The following RGS7 variants were observed in gnomAD, a reference collection of about 807,000 sequenced individuals.
RGS7 encodes the protein regulator of G-protein signaling 7.
RGS7 carries 27 observed loss-of-function variants against 81.1 expected under a neutral mutation model. That is an observed-to-expected ratio of 0.33 (90% CI 0.25 to 0.46). The LOEUF (loss-of-function observed/expected upper bound fraction) is 0.46. Among genes scored for constraint, RGS7 ranks in the 20% least tolerant of loss-of-function variants. RGS7 has a pLI of 1.00. For missense variants in RGS7, 396 were observed against 607.4 expected, an observed-to-expected ratio of 0.65 and a Z score of 3.66; for synonymous variants, 208 against 207.7, an observed-to-expected ratio of 1.00 and a Z score of -0.01.
At chr1:241,211,891 G>A (rs73130986) in intron 2 of RGS7, among the ~76,000 whole-genome samples, 2,138 of 152,192 alleles carry the variant, frequency 0.014, 55 homozygotes, top group African/African-American at 0.049. Flanking sequence ...ATATAATTGC[G>A]TTAGGTGAAA....
At chr1:240,944,260 A>C (rs545639815) in intron 4 of RGS7, among the ~76,000 whole-genome samples, 1 of 51,798 alleles carries the variant, frequency 1.9e-5, no homozygotes, top group Non-Finnish European at 3.5e-5. Context: ...GTTATATTAT[A>C]TGTGTGTGTG....
In RGS7 at chr1:241,232,378, A is replaced by AT. The variant is rs963879731; in HGVS notation, c.78+123320dup. Among the ~76,000 whole-genome samples, 133 of 150,388 alleles carry AT rather than the reference A, an allele frequency of 8.8e-4. 1 individual carries two copies. Among genetic ancestry groups the AT allele is most frequent in the African/African-American group, 2.7e-3 (112 of 40,912 alleles). ...ATTCAGCTAATTTTTAAATACATAT[A>AT]TTTTTTTTTGGAGAGAAGGGATCTC... On this transcript the variant is annotated intron_variant, in intron 2 of 18. Coordinates refer to ENST00000440928, the MANE Select transcript of RGS7 (RefSeq NM_001364886.1).
chr1:241,113,974 C>G (rs1302552811), intron 2 of RGS7, among the ~76,000 whole-genome samples: 1 of 152,120 alleles, frequency 6.6e-6, no homozygotes, highest in Non-Finnish European at 1.5e-5. Context: ...TTCTCTTTTA[C>G]TGAAAGTTTC....
chr1:241,057,719 G>A (rs2061541487), intron 3 of RGS7, among the ~76,000 whole-genome samples: 1 of 152,086 alleles, frequency 6.6e-6, no homozygotes, highest in Admixed American at 6.6e-5. Flanking sequence ...TTCGAGACCA[G>A]CCTAATATGG....
rs905748746 is a variant in RGS7, at chr1:241,245,652, C to T, written c.78+110047G>A. On this transcript the variant is annotated intron_variant, in intron 2 of 18. Transcript: ENST00000440928. ...TGAAACCCCATCTCGACTAAAAATA[C>T]AAAAATTAGCCAGGCGTAGTGGCAA... Among the ~76,000 whole-genome samples the T allele has an allele frequency of 3.7e-4, 56 of 151,080 alleles. 1 individual carries two copies. Among genetic ancestry groups the T allele is most frequent in the African/African-American group, 1.3e-3 (53 of 40,986 alleles).
intron 3 of RGS7, among the ~76,000 whole-genome samples, chr1:241,042,150 G>T (rs1014206393): frequency 8.5e-5 from 13 of 152,330 alleles, no homozygotes; most frequent in Admixed American, 5.9e-4. Flanking sequence ...AAAGAACGCT[G>T]TCACATGTGT....
chr1:241,098,000 A>G (rs1056149352), intron 3 of RGS7, among the ~76,000 whole-genome samples: 35 of 152,300 alleles, frequency 2.3e-4, no homozygotes, highest in African/African-American at 8.4e-4. Flanking sequence ...GGACCTGGGC[A>G]CCCAAACCTG....
chr1:241,146,260 A>G (rs1170265154), intron 2 of RGS7, among the ~76,000 whole-genome samples: 1 of 141,120 alleles, frequency 7.1e-6, no homozygotes, highest in Non-Finnish European at 1.5e-5. Flanking sequence ...AATAGAGCAC[A>G]ACAACTATTT....
chr1:241,113,791 T>C (rs2065697508), intron 2 of RGS7, among the ~76,000 whole-genome samples: 1 of 152,174 alleles, frequency 6.6e-6, no homozygotes. Flanking sequence ...ACAGCATAAG[T>C]TCCCCTTCCT....
At chr1:241,292,079 T>C (rs1202221532) in intron 2 of RGS7, among the ~76,000 whole-genome samples, 1 of 152,100 alleles carries the variant, frequency 6.6e-6, no homozygotes, top group African/African-American at 2.4e-5. Context: ...TCCACCTCCA[T>C]GTCTTGTCCT....
intron 4 of RGS7, among the ~76,000 whole-genome samples, chr1:240,944,783 C>G (rs947464446): frequency 2.6e-5 from 4 of 152,280 alleles, no homozygotes; most frequent in African/African-American, 9.6e-5. Flanking sequence ...GCGCGATCTT[C>G]GCTCACTGCA....
intron 10 of RGS7, among the ~76,000 whole-genome samples, chr1:240,825,633 G>C (rs1692667031): frequency 6.6e-6 from 1 of 152,194 alleles, no homozygotes; most frequent in South Asian, 2.1e-4. Context: ...AAGAGAGCTA[G>C]ATCTCAATGA....
chr1:240,948,470 C>T (rs759869865), intron 4 of RGS7, among the ~76,000 whole-genome samples: 78 of 152,086 alleles, frequency 5.1e-4, no homozygotes, highest in Non-Finnish European at 9.7e-4. Context: ...TTTTTTGAGA[C>T]GGAGTCTGTG....
At chr1:241,019,737 T>C (rs2059447603) in intron 3 of RGS7, among the ~76,000 whole-genome samples, 1 of 152,244 alleles carries the variant, frequency 6.6e-6, no homozygotes, top group African/African-American at 2.4e-5. Context: ...TGTGCCACAT[T>C]TTCTTTATCC....
rs575880619 is a variant in RGS7 at position 241,186,758 on chromosome 1, C to T, written c.79-87996G>A. Reference sequence around the variant, plus strand: ...GTCAGGCTGGTCTCGAACTCCCAAACTCAGGTGATCCACCTACCTCGGCCT... The same window carrying T: ...GTCAGGCTGGTCTCGAACTCCCAAATTCAGGTGATCCACCTACCTCGGCCT... On this transcript the variant is annotated intron_variant, in intron 2 of 18. Coordinates refer to ENST00000440928, the MANE Select transcript of RGS7 (RefSeq NM_001364886.1). Among the ~76,000 whole-genome samples, 6 of 152,078 alleles carry T rather than the reference C, an allele frequency of 3.9e-5. No homozygotes were observed. In the East Asian group the frequency reaches 1.2e-3, roughly 29 times the overall value.
intron 2 of RGS7, among the ~76,000 whole-genome samples, chr1:241,143,603 C>T (rs1440810234): frequency 2.0e-5 from 3 of 152,182 alleles, no homozygotes; most frequent in Admixed American, 6.5e-5. Context: ...CACCAGGTCC[C>T]TCTCACAACA....
At chr1:241,325,510 C>T (rs183442986) in intron 2 of RGS7, among the ~76,000 whole-genome samples, 1 of 152,244 alleles carries the variant, frequency 6.6e-6, no homozygotes, top group East Asian at 1.9e-4. Flanking sequence ...TTCATGTATG[C>T]CTAACACACT....
intron 6 of RGS7, among the ~76,000 whole-genome samples, chr1:240,918,343 A>G (rs1175043551): frequency 6.6e-6 from 1 of 152,316 alleles, no homozygotes; most frequent in South Asian, 2.1e-4. Context: ...GATAGACCAC[A>G]TTCTAGGTCA....
chr1:240,792,553 G>A (rs78942844), intron 18 of RGS7, among the ~76,000 whole-genome samples: 1 of 152,052 alleles, frequency 6.6e-6, no homozygotes. Context: ...TGCCACCTTT[G>A]CTCTGTCTCT....
Sources: gnomAD v4.1 joint callset for allele counts (sites outside exome capture counted in the v4.1 genomes callset) on GRCh38, gnomAD v4.1.1 for gene constraint, MANE v1.5 for transcripts, NCBI Gene and HGNC (gene_info 2026-07-23, HGNC 2026-07-21) for gene names.